Variants in KCNIP1 observed in about 807,000 individuals in gnomAD.
KCNIP1 encodes the protein potassium voltage-gated channel interacting protein 1.
A neutral mutation model predicts 33.0 loss-of-function variants in KCNIP1; 18 were observed. The observed-to-expected ratio is 0.55, with a 90% CI of 0.38 to 0.81. The LOEUF (loss-of-function observed/expected upper bound fraction) is 0.81, where lower values mean the gene tolerates loss of function less well. Ranked by LOEUF, KCNIP1 falls within the 30% of genes least tolerant of loss-of-function variation. The pLI is 0.00. For missense variants in KCNIP1, 238 were observed against 271.6 expected (o/e 0.88, Z 0.87); for synonymous variants, 93 against 98.3 (o/e 0.95, Z 0.32).
At chr5:170,723,218 G>A (rs1052058704) in intron 5 of KCNIP1, among the ~76,000 whole-genome samples, 1 of 152,194 alleles carries the variant, frequency 6.6e-6, no homozygotes, top group Non-Finnish European at 1.5e-5. Flanking sequence ...AGATTTTTAA[G>A]GAAGAGGAAC....
At chr5:170,555,300 G>A (rs1014659335) in intron 1 of KCNIP1, among the ~76,000 whole-genome samples, 1 of 152,146 alleles carries the variant, frequency 6.6e-6, no homozygotes, top group African/African-American at 2.4e-5. Context: ...AGGATCTTTG[G>A]GGGCAGAAGG....
chr5:170,383,256 C>T (rs756951713), intron 1 of KCNIP1: 1 of 331,606 alleles, frequency 3.0e-6, no homozygotes, highest in Non-Finnish European at 5.5e-6. Flanking sequence ...GAGGATCTGG[C>T]CCTGGGCCTG....
At chr5:170,658,961 C>T (rs1205496112) in intron 1 of KCNIP1, among the ~76,000 whole-genome samples, 1 of 152,086 alleles carries the variant, frequency 6.6e-6, no homozygotes, top group Non-Finnish European at 1.5e-5. Context: ...CCATCTAAGT[C>T]GACGTTTCCA....
At chr5:170,649,794 T>C (rs1160635534) in intron 1 of KCNIP1, among the ~76,000 whole-genome samples, 1 of 151,970 alleles carries the variant, frequency 6.6e-6, no homozygotes, top group East Asian at 1.9e-4. Context: ...AGCAGAGAAA[T>C]AGGAAGTGAG....
chr5:170,670,173 G>T lies in KCNIP1; in HGVS notation c.62-48585G>T, dbSNP rs538699453. Among the ~76,000 whole-genome samples the T allele has an allele frequency of 1.2e-3, 178 of 152,310 alleles. 2 individuals carry two copies. The highest frequency in any genetic ancestry group is 4.1e-3 in the African/African-American group (170 of 41,556). The stretch of plus-strand genomic sequence containing the variant: ...ACTATATTGAGGATCGAAAGGCCAG[G>T]TTCCAGACCGTCCTCTAATATTTTC... On this transcript the variant is annotated intron_variant, in intron 1 of 7. Transcript: ENST00000328939.
intron 1 of KCNIP1, among the ~76,000 whole-genome samples, chr5:170,365,129 GGTGCAGGGCCTACCACA>G (rs1376418643): frequency 2.6e-5 from 4 of 152,126 alleles, no homozygotes; most frequent in African/African-American, 9.7e-5. Context: ...CCCAGCACCT[GGTGCAGGGCCTACCACA>G]TGGTAGGCCC....
intron 1 of KCNIP1, among the ~76,000 whole-genome samples, chr5:170,617,933 C>A (rs1189362445): frequency 5.9e-5 from 9 of 152,162 alleles, no homozygotes; most frequent in Non-Finnish European, 5.9e-5. Context: ...GAGAGAATTA[C>A]AACCGGAGAT....
chr5:170,359,987 G>C (rs1197675175), intron 1 of KCNIP1, among the ~76,000 whole-genome samples: 1 of 152,232 alleles, frequency 6.6e-6, no homozygotes, highest in Non-Finnish European at 1.5e-5. Flanking sequence ...CAGGACCACA[G>C]GGGAGCGGCT....
chr5:170,383,122 G>A (rs948542474), intron 1 of KCNIP1: 1 of 173,038 alleles, frequency 5.8e-6, no homozygotes, highest in Non-Finnish European at 1.2e-5. Context: ...TGAGTTTTGT[G>A]TTTTGGAGGG....
chr5:170,370,085 A>AGAGGTACCC (rs1488173789), intron 1 of KCNIP1, among the ~76,000 whole-genome samples: 2 of 152,204 alleles, frequency 1.3e-5, no homozygotes, highest in Non-Finnish European at 2.9e-5. Flanking sequence ...ACCCCTAGAA[A>AGAGGTACCC]TGAAGCAAGA....
At chr5:170,717,977 T>G (rs1411379937) in intron 1 of KCNIP1, among the ~76,000 whole-genome samples, 1 of 152,216 alleles carries the variant, frequency 6.6e-6, no homozygotes, top group Non-Finnish European at 1.5e-5. Context: ...GGTAAAACGT[T>G]GAAAATTCCA....
chr5:170,440,144 C>G (rs914470734), intron 1 of KCNIP1, among the ~76,000 whole-genome samples: 1 of 152,156 alleles, frequency 6.6e-6, no homozygotes, highest in Non-Finnish European at 1.5e-5. Context: ...CGTGAAGACA[C>G]GGAGAAGGCG....
At chr5:170,679,242 C>T (rs2113789603) in intron 1 of KCNIP1, 1 of 152,342 alleles carries the variant, frequency 6.6e-6, no homozygotes, top group East Asian at 1.9e-4. Context: ...AAAGGTTTAG[C>T]AACTGCCTTG....
intron 1 of KCNIP1, among the ~76,000 whole-genome samples, chr5:170,572,770 T>C (rs1291895321): frequency 6.6e-6 from 1 of 152,242 alleles, no homozygotes; most frequent in Non-Finnish European, 1.5e-5. Context: ...TTCTGTGCTA[T>C]CGGATTCAAA....
At chr5:170,418,302 G>C (rs1417345890) in intron 1 of KCNIP1, among the ~76,000 whole-genome samples, 1 of 152,152 alleles carries the variant, frequency 6.6e-6, no homozygotes, top group African/African-American at 2.4e-5. Context: ...AGGGTGGCAT[G>C]CACCTGTAAT....
chr5:170,615,841 G>C (rs1759348654), intron 1 of KCNIP1, among the ~76,000 whole-genome samples: 1 of 152,226 alleles, frequency 6.6e-6, no homozygotes, highest in Non-Finnish European at 1.5e-5. Flanking sequence ...AGGATTAATT[G>C]AGTTGGTACA....
intron 1 of KCNIP1, among the ~76,000 whole-genome samples, chr5:170,627,622 C>A (rs1759883001): frequency 6.6e-6 from 1 of 152,274 alleles, no homozygotes; most frequent in African/African-American, 2.4e-5. Flanking sequence ...GACCCCCAGG[C>A]ATCTGGCAAA....
intron 1 of KCNIP1, among the ~76,000 whole-genome samples, chr5:170,672,243 C>G (rs1225518939): frequency 1.3e-5 from 2 of 152,200 alleles, no homozygotes; most frequent in Non-Finnish European, 2.9e-5. Context: ...GGGAGGGAGA[C>G]AGGGGCCAGA....
At chr5:170,473,924 G>A (rs989659062) in intron 1 of KCNIP1, among the ~76,000 whole-genome samples, 2 of 152,144 alleles carry the variant, frequency 1.3e-5, no homozygotes, top group African/African-American at 4.8e-5. Context: ...GGTGACACAG[G>A]GCTAGGATAT....
Sources: allele counts gnomAD v4.1 joint callset (sites outside exome capture counted in the v4.1 genomes callset), GRCh38; gene constraint gnomAD v4.1.1; transcripts MANE v1.5; gene names NCBI Gene and HGNC (gene_info 2026-07-23, HGNC 2026-07-21).